Variants in HLA-F observed in about 807,000 individuals in gnomAD.
The protein encoded by HLA-F is HLA class I histocompatibility antigen, alpha chain F.
Under a neutral mutation model 49.5 loss-of-function variants are expected in HLA-F, and 46 were observed. The observed-to-expected ratio is 0.93, with a 90% CI of 0.73 to 1.19. The LOEUF is 1.19. Among genes scored for constraint, HLA-F ranks in the 50% most tolerant of loss-of-function variants. The pLI, the probability that HLA-F is intolerant of heterozygous loss-of-function variation, is 0.00. For synonymous variants in HLA-F, 203 were observed against 233.5 expected (o/e 0.87, Z 1.19); for missense variants, 496 against 579.6 (o/e 0.86, Z 1.48).
intron 6 of HLA-F, chr6:29,726,650 C>G (rs1059174): frequency 6.6e-7 from 1 of 1,509,170 alleles, no homozygotes; most frequent in Non-Finnish European, 9.0e-7. Context: ...ATATTTGGAA[C>G]TAGCCAGCTT....
At chr6:29,735,623 A>G (rs1383662779) in intron 3 of HLA-F, 6 of 151,820 alleles carry the variant, frequency 4.0e-5, no homozygotes, top group Non-Finnish European at 7.4e-5. Context: ...GTTGATTATA[A>G]TGTTCTCTTG....
intron 6 of HLA-F, 39 bp from the exon 7 acceptor site, chr6:29,726,844 T>G (rs1219528817): frequency 6.3e-7 from 1 of 1,597,552 alleles, no homozygotes; most frequent in Non-Finnish European, 8.5e-7. Context: ...ACATCCACAG[T>G]GAACACAAGT....
chr6:29,726,553 A>G, intron 6 of HLA-F: 1 of 1,468,846 alleles, frequency 6.8e-7, no homozygotes, highest in Non-Finnish European at 9.0e-7. Context: ...TATAGCATGC[A>G]CGTAAATGTG....
chr6:29,727,272 G>T lies in HLA-F; in HGVS notation c.*97G>T. On this transcript the variant is annotated 3_prime_UTR_variant, in exon 7 of 7. Transcript: ENST00000259951. Reference sequence around the variant, plus strand: ...TAAGAACCAACATTATCACACCAAAGAAAATAAATAATTCCATAATATTAT... The same window carrying T: ...TAAGAACCAACATTATCACACCAAATAAAATAAATAATTCCATAATATTAT... The T allele has an allele frequency of 2.8e-6, 2 of 701,788 alleles. No individual in the cohort carries two copies. The highest frequency in any genetic ancestry group is 2.3e-6 in the Non-Finnish European group (1 of 432,852). 43.5% of individuals were successfully genotyped at this position (701,788 alleles called of 1,614,324 possible).
chr6:29,724,921 G>T, intron 3 of HLA-F, 110 bp from the exon 4 acceptor site: 1 of 1,255,450 alleles, frequency 8.0e-7, no homozygotes, highest in East Asian at 2.4e-5. Context: ...TGGGTTCTGT[G>T]CTCCCTTCCC....
rs1308827318 is a variant in HLA-F, at chr6:29,726,011, A to G, written c.1004A>G (p.Asp335Gly). 1.2e-6 allele frequency: 2 copies of G among 1,614,068 alleles called. No homozygotes were observed. The highest frequency in any genetic ancestry group is 1.3e-5 in the African/African-American group (1 of 75,036). ...CTCACAGGACATTTTCTTCCCATAG[A>G]TAGAAACAGAGGGAGCTACTCTCAG... ...AAVMWRKKSS[D>G]RNRGSYSQAA... is the part of the protein sequence containing the mutation. The change falls in exon 6 of 7, where the codon GAT becomes GGT. Residue 335 changes from aspartate to glycine, a missense_variant and splice_region_variant. Physicochemically the swap from Asp to Gly is moderately conservative, Grantham distance 94. Coordinates refer to ENST00000259951, the MANE Select transcript of HLA-F (RefSeq NM_001098479.2).
At chr6:29,731,557 T>C (rs1453064518), downstream of HLA-F, among the ~76,000 whole-genome samples, 4 of 152,132 alleles carry the variant, frequency 2.6e-5, no homozygotes, top group Non-Finnish European at 5.9e-5. Context: ...TTGACTCCTT[T>C]CTGCTTTTTT....
chr6:29,733,332 C>G (rs917505215), intron 3 of HLA-F, among the ~76,000 whole-genome samples: 3 of 150,760 alleles, frequency 2.0e-5, no homozygotes, highest in African/African-American at 7.3e-5. Context: ...TGAGGGGAGA[C>G]CTAGGTGGTA....
At chr6:29,736,287 A>C (rs2127600647) in intron 3 of HLA-F, 1 of 377,196 alleles carries the variant, frequency 2.7e-6, no homozygotes, top group Non-Finnish European at 5.1e-6. Flanking sequence ...CTCAACAGCC[A>C]TTTCCAAAGC....
At chr6:29,735,500 T>C (rs1189083142) in intron 3 of HLA-F, 1 of 151,668 alleles carries the variant, frequency 6.6e-6, no homozygotes, top group Non-Finnish European at 1.5e-5. Context: ...TTCTGAACTC[T>C]ATGGTTTCTG....
At chr6:29,732,912 G>A (rs1181991849) in intron 3 of HLA-F, among the ~76,000 whole-genome samples, 1 of 152,102 alleles carries the variant, frequency 6.6e-6, no homozygotes, top group Non-Finnish European at 1.5e-5. Flanking sequence ...AATGGGCCAG[G>A]CGCCTTGGCT....
chr6:29,729,521 T>C (rs1228019239), downstream of HLA-F, among the ~76,000 whole-genome samples: 5 of 152,184 alleles, frequency 3.3e-5, no homozygotes, highest in African/African-American at 4.8e-5. Context: ...GGAACTCAAC[T>C]TAGGAGTTCA....
At chr6:29,726,288 C>T (rs578160182) in intron 6 of HLA-F, 1 of 1,147,866 alleles carries the variant, frequency 8.7e-7, no homozygotes, top group South Asian at 1.2e-5. Context: ...AGAGGGGACT[C>T]AGCTGTGCTA....
In HLA-F at chr6:29,725,458, C is replaced by T; in HGVS notation, c.898C>T (p.Gln300Ter). Residue 300 changes from glutamine to a stop codon, truncating the protein, a stop_gained, in exon 5 of 7, where the codon CAG becomes TAG. Coordinates refer to ENST00000259951, the MANE Select transcript of HLA-F (RefSeq NM_001098479.2). LOFTEE classifies it high-confidence loss of function. ...CCTTCCTTTCCCAGAGCAGTCTCCC[C>T]AGCCCACCATCCCCATCGTGGGCAT... Reference protein sequence around the residue: ...PLILRWEQSPQPTIPIVGIVA... With the variant: ...PLILRWEQSP The T allele has an allele frequency of 1.2e-6, 2 of 1,613,972 alleles. No homozygotes were observed. Among genetic ancestry groups the T allele is most frequent in the Non-Finnish European group, 1.7e-6 (2 of 1,179,854 alleles).
intron 3 of HLA-F, chr6:29,735,920 T>G (rs1195284391): frequency 1.3e-5 from 2 of 152,318 alleles, no homozygotes; most frequent in Non-Finnish European, 2.9e-5. Flanking sequence ...TTCTCCATTC[T>G]GCATGGTGAA....
In HLA-F at chr6:29,726,883, C is replaced by CCTA. The variant is rs1232181609; in HGVS notation, c.1040_1042dup (p.Tyr347dup). On this transcript the variant is annotated inframe_insertion and splice_region_variant, in exon 7 of 7. Coordinates refer to ENST00000259951, the MANE Select transcript of HLA-F (RefSeq NM_001098479.2). ...CTGTTGTTTTCTATCTTCTTCACAG[C>CCTA]CTACTCAGTGGTCAGCGGAAACTTG... 1 of 1,602,276 alleles carries CCTA rather than the reference C, an allele frequency of 6.2e-7. No homozygotes were observed. The highest frequency in any genetic ancestry group is 1.1e-5 in the South Asian group (1 of 91,062).
At chr6:29,726,247 C>A (rs1404519710) in intron 6 of HLA-F, 1 of 954,100 alleles carries the variant, frequency 1.0e-6, no homozygotes, top group Non-Finnish European at 1.7e-6. Flanking sequence ...AGGGCAGGGG[C>A]CCTGATGTGA....
intron 3 of HLA-F, among the ~76,000 whole-genome samples, chr6:29,732,743 G>T (rs927490499): frequency 2.0e-5 from 3 of 151,840 alleles, no homozygotes; most frequent in Admixed American, 1.3e-4. Context: ...CCACCATGCC[G>T]GCCAAAAAAG....
downstream of HLA-F, among the ~76,000 whole-genome samples, chr6:29,732,087 C>T (rs1388949237): frequency 6.6e-6 from 1 of 152,140 alleles, no homozygotes; most frequent in Non-Finnish European, 1.5e-5. Context: ...ACCTCAAACA[C>T]TGGGGTACCT....
Sources: allele counts gnomAD v4.1 joint callset (sites outside exome capture counted in the v4.1 genomes callset), GRCh38; gene constraint gnomAD v4.1.1; transcripts MANE v1.5; gene names NCBI Gene and HGNC (gene_info 2026-07-23, HGNC 2026-07-21).